TAFA1: variants seen among roughly 807,000 people sequenced by gnomAD.
The protein encoded by TAFA1 is chemokine-like protein TAFA-1.
TAFA1 carries 4 observed loss-of-function variants against 18.5 expected under a neutral mutation model. The ratio of observed to expected loss-of-function variants is 0.22; its 90% CI spans 0.11 to 0.49. The LOEUF is 0.49. TAFA1 is among the 20% of genes least tolerant of loss of function. The probability of loss-of-function intolerance (pLI) is 0.98; values close to 1 mark genes in which losing one functional copy is unlikely to be tolerated. For missense variants in TAFA1, 147 were observed against 169.0 expected (o/e 0.87, Z 0.72); for synonymous variants, 56 against 55.2 (o/e 1.01, Z -0.06).
chr3:68,229,940 A>G (rs566296717), intron 2 of TAFA1, among the ~76,000 whole-genome samples: 3 of 152,302 alleles, frequency 2.0e-5, no homozygotes, highest in Admixed American at 2.0e-4. Flanking sequence ...ACCTATGGTG[A>G]TGGCTTAATA....
intron 3 of TAFA1, among the ~76,000 whole-genome samples, chr3:68,511,695 C>T (rs913039130): frequency 1.3e-5 from 2 of 151,960 alleles, no homozygotes; most frequent in East Asian, 3.9e-4. Context: ...GAATGTTTTC[C>T]TGGTAGTCTT....
chr3:68,357,734 C>G (rs1337781539), intron 2 of TAFA1, among the ~76,000 whole-genome samples: 31 of 151,852 alleles, frequency 2.0e-4, no homozygotes, highest in Admixed American at 2.0e-3. Context: ...AAAAGGCAGC[C>G]TAAGGGTGGA....
intron 2 of TAFA1, among the ~76,000 whole-genome samples, chr3:68,303,158 T>TAAA (rs1559607629): frequency 6.6e-6 from 1 of 152,182 alleles, no homozygotes; most frequent in African/African-American, 2.4e-5. Flanking sequence ...GTACTTTTAC[T>TAAA]GTATAAAAAG....
intron 3 of TAFA1, among the ~76,000 whole-genome samples, chr3:68,494,720 T>C (rs1028528121): frequency 1.3e-5 from 2 of 152,200 alleles, no homozygotes; most frequent in African/African-American, 2.4e-5. Flanking sequence ...AGAAGAAAAT[T>C]AAACTATTTT....
In TAFA1 at chr3:68,148,971, T is replaced by C. The variant is rs558701415; in HGVS notation, c.118+142227T>C. Among the ~76,000 whole-genome samples the C allele has an allele frequency of 1.3e-4, 20 of 152,326 alleles. No individual in the cohort carries two copies. In the South Asian group the frequency reaches 4.1e-3, roughly 32 times the overall value. On this transcript the variant is annotated intron_variant, in intron 2 of 4. Coordinates refer to ENST00000478136, the MANE Select transcript of TAFA1 (RefSeq NM_213609.4). Reference sequence around the variant, plus strand: ...TACATAAAAGAAATTTTTAAATGATTAGCAATATTATTTTATTCTGCCTAT... The same window carrying C: ...TACATAAAAGAAATTTTTAAATGATCAGCAATATTATTTTATTCTGCCTAT...
chr3:68,218,224 T>A (rs985872992), intron 2 of TAFA1, among the ~76,000 whole-genome samples: 3 of 152,086 alleles, frequency 2.0e-5, no homozygotes, highest in African/African-American at 7.2e-5. Flanking sequence ...TTTAAATAGA[T>A]GTTGATTTCA....
At position 68,544,511 on chromosome 3, in the gene TAFA1, A is replaced by G. The variant is rs921883663; in HGVS notation, c.*8A>G. 1 of 1,612,490 alleles carries G rather than the reference A, an allele frequency of 6.2e-7. No individual in the cohort carries two copies. Among genetic ancestry groups the G allele is most frequent in the African/African-American group, 1.3e-5 (1 of 74,980 alleles). Reference sequence around the variant, plus strand: ...ATTCACCCAAGAACCTAACAGAAGCATTTGTGGTAGTAAAGGAAAACCAAC... The same window carrying G: ...ATTCACCCAAGAACCTAACAGAAGCGTTTGTGGTAGTAAAGGAAAACCAAC... On this transcript the variant is annotated 3_prime_UTR_variant, in exon 5 of 5. Coordinates refer to ENST00000478136, the MANE Select transcript of TAFA1 (RefSeq NM_213609.4).
chr3:68,147,019 A>ATG (rs35048809), intron 2 of TAFA1, among the ~76,000 whole-genome samples: 9,112 of 147,470 alleles, frequency 0.062, 461 homozygotes, highest in African/African-American at 0.14. Context: ...GTATATATAT[A>ATG]TGTGTGTGTG....
At chr3:68,506,709 A>G (rs1245446016) in intron 3 of TAFA1, among the ~76,000 whole-genome samples, 1 of 152,150 alleles carries the variant, frequency 6.6e-6, no homozygotes, top group Non-Finnish European at 1.5e-5. Flanking sequence ...AACATATTTC[A>G]TAGAAGACAT....
At chr3:68,034,656 GC>G (rs1705007558) in intron 2 of TAFA1, among the ~76,000 whole-genome samples, 3 of 152,152 alleles carry the variant, frequency 2.0e-5, no homozygotes, top group Admixed American at 2.0e-4. Flanking sequence ...AATTGCTATT[GC>G]CCTTTCATGT....
intron 2 of TAFA1, among the ~76,000 whole-genome samples, chr3:68,273,315 G>C (rs542897144): frequency 1.3e-5 from 2 of 152,290 alleles, no homozygotes; most frequent in South Asian, 4.1e-4. Context: ...CGGGGACAGT[G>C]GTAGAAGTTG....
At chr3:68,404,784 G>A (rs1462246942) in intron 2 of TAFA1, among the ~76,000 whole-genome samples, 1 of 150,262 alleles carries the variant, frequency 6.7e-6, no homozygotes, top group Non-Finnish European at 1.5e-5. Flanking sequence ...GTGACAATGC[G>A]AGACTCTGCT....
intron 2 of TAFA1, among the ~76,000 whole-genome samples, chr3:68,344,091 C>T (rs2069128173): frequency 6.6e-6 from 1 of 152,178 alleles, no homozygotes; most frequent in Non-Finnish European, 1.5e-5. Flanking sequence ...GATCTGCCTG[C>T]CTGGGCCTCC....
At chr3:68,421,547 T>C (rs1293695797) in intron 3 of TAFA1, among the ~76,000 whole-genome samples, 1 of 152,162 alleles carries the variant, frequency 6.6e-6, no homozygotes, top group Non-Finnish European at 1.5e-5. Context: ...CTATTACTGA[T>C]AGAATGACAT....
At chr3:68,011,951 G>T (rs528706963) in intron 2 of TAFA1, among the ~76,000 whole-genome samples, 1 of 152,066 alleles carries the variant, frequency 6.6e-6, no homozygotes, top group Admixed American at 6.6e-5. Context: ...TCTTACTTAC[G>T]TAAGCTCAAA....
chr3:68,543,011 A>G (rs2073402543), intron 4 of TAFA1, among the ~76,000 whole-genome samples: 1 of 152,136 alleles, frequency 6.6e-6, no homozygotes, highest in Non-Finnish European at 1.5e-5. Flanking sequence ...TTCAACAGAA[A>G]GGTTTTAGGA....
chr3:68,401,916 C>A (rs978185061), intron 2 of TAFA1, among the ~76,000 whole-genome samples: 1 of 152,162 alleles, frequency 6.6e-6, no homozygotes, highest in African/African-American at 2.4e-5. Context: ...GCAGAAAGAA[C>A]AGGTGTCTGC....
At chr3:68,400,396 C>CA (rs1384112222) in intron 2 of TAFA1, among the ~76,000 whole-genome samples, 4 of 152,190 alleles carry the variant, frequency 2.6e-5, no homozygotes, top group African/African-American at 9.6e-5. Flanking sequence ...CAATGACACT[C>CA]AGAGTAATTA....
chr3:68,398,057 T>A (rs2070418227), intron 2 of TAFA1, among the ~76,000 whole-genome samples: 1 of 152,054 alleles, frequency 6.6e-6, no homozygotes, highest in South Asian at 2.1e-4. Context: ...TTCACAGAAC[T>A]AGAAAAAGCT....
Sources: gnomAD v4.1 joint callset for allele counts (sites outside exome capture counted in the v4.1 genomes callset) on GRCh38, gnomAD v4.1.1 for gene constraint, MANE v1.5 for transcripts, NCBI Gene and HGNC (gene_info 2026-07-23, HGNC 2026-07-21) for gene names.